The following KLHL1 variants were observed in gnomAD, a reference collection of about 807,000 sequenced individuals.
The protein encoded by KLHL1 is kelch-like protein 1.
In KLHL1, 47 loss-of-function variants were observed where a neutral mutation model predicts 77.7. The observed-to-expected ratio is 0.60, with a 90% confidence interval of 0.48 to 0.77. The LOEUF (loss-of-function observed/expected upper bound fraction) is 0.77, where lower values mean the gene tolerates loss of function less well. Ranked by LOEUF, KLHL1 falls within the 30% of genes least tolerant of loss-of-function variation. The pLI is 0.00. For synonymous variants in KLHL1, 360 were observed against 325.2 expected (o/e 1.11, Z -1.15); for missense variants, 925 against 910.8 (o/e 1.02, Z -0.20).
chr13:69,845,621 T>C lies in KLHL1; in HGVS notation c.1228-6459A>G, dbSNP rs185772571. ...TATTGTTTCTATATACCTGACAAAA[T>C]TTCAAGTACATTTTATAAACACACA... On this transcript the variant is annotated intron_variant, in intron 5 of 10. Coordinates refer to ENST00000377844, the MANE Select transcript of KLHL1 (RefSeq NM_020866.3). Among the ~76,000 whole-genome samples, 543 of 151,702 alleles carry C rather than the reference T, an allele frequency of 3.6e-3. 2 individuals carry two copies. The highest frequency in any genetic ancestry group is 0.012 in the African/African-American group (517 of 41,508).
chr13:69,746,757 G>T (rs775118234), intron 7 of KLHL1, among the ~76,000 whole-genome samples: 1 of 151,848 alleles, frequency 6.6e-6, no homozygotes, highest in African/African-American at 2.4e-5. Context: ...ATCACATAAG[G>T]CTCACACAAA....
chr13:69,891,888 AT>A (rs1881434625), intron 4 of KLHL1, among the ~76,000 whole-genome samples: 3 of 151,948 alleles, frequency 2.0e-5, no homozygotes, highest in Non-Finnish European at 2.9e-5. Flanking sequence ...TATAGAAATA[AT>A]TTATAAATTT....
chr13:69,960,454 C>A (rs1355981398), intron 3 of KLHL1, among the ~76,000 whole-genome samples: 1 of 151,902 alleles, frequency 6.6e-6, no homozygotes, highest in East Asian at 1.9e-4. Context: ...ATACTGTCTG[C>A]CTTGGTTTCT....
intron 4 of KLHL1, among the ~76,000 whole-genome samples, chr13:69,890,619 A>G (rs1238302787): frequency 6.6e-6 from 1 of 151,380 alleles, no homozygotes; most frequent in Non-Finnish European, 1.5e-5. Flanking sequence ...ATCCTTGCAT[A>G]TTAATATTTT....
At chr13:69,875,811 G>A (rs561624526) in intron 5 of KLHL1, among the ~76,000 whole-genome samples, 1 of 152,008 alleles carries the variant, frequency 6.6e-6, no homozygotes, top group South Asian at 2.1e-4. Context: ...TGTTTTAAAG[G>A]CATTGTTTTT....
intron 7 of KLHL1, among the ~76,000 whole-genome samples, chr13:69,780,701 T>TAC (rs1876108316): frequency 7.3e-5 from 1 of 13,762 alleles, no homozygotes; most frequent in Non-Finnish European, 1.2e-4. Flanking sequence ...TATATATATA[T>TAC]GTATATATAT....
chr13:69,768,248 T>C (rs1481947081), intron 7 of KLHL1, among the ~76,000 whole-genome samples: 1 of 152,184 alleles, frequency 6.6e-6, no homozygotes, highest in Non-Finnish European at 1.5e-5. Context: ...TTCTAGATTG[T>C]ATTAAAAGAA....
chr13:69,878,942 TC>T (rs1409910522), intron 5 of KLHL1, among the ~76,000 whole-genome samples: 1 of 152,122 alleles, frequency 6.6e-6, no homozygotes, highest in Non-Finnish European at 1.5e-5. Flanking sequence ...TGAGTTCATG[TC>T]CTTTGTAGGG....
At chr13:69,858,336 C>T (rs556955920) in intron 5 of KLHL1, among the ~76,000 whole-genome samples, 1 of 152,206 alleles carries the variant, frequency 6.6e-6, no homozygotes, top group South Asian at 2.1e-4. Flanking sequence ...TTTGAACTTC[C>T]AGTTTAATGA....
Position 69,806,543 on chromosome 13 carries a change from C to T in KLHL1, c.1415-9581G>A, listed in dbSNP as rs577451638. 9.2e-5 allele frequency among the ~76,000 whole-genome samples: 14 copies of T among 152,206 alleles called. No homozygotes were observed. The East Asian group carries it at 2.7e-3, about 30-fold the overall frequency. On this transcript the variant is annotated intron_variant, in intron 6 of 10. Transcript: ENST00000377844. ...TAAAGATAGTGTTCCAGGCAGCTTACCCAGCTGGGAACAGACTGACAGCTG... is the reference window on the plus strand; with the variant it reads ...TAAAGATAGTGTTCCAGGCAGCTTATCCAGCTGGGAACAGACTGACAGCTG...
At chr13:69,734,003 A>G (rs964839561) in intron 8 of KLHL1, among the ~76,000 whole-genome samples, 2 of 152,130 alleles carry the variant, frequency 1.3e-5, no homozygotes, top group African/African-American at 4.8e-5. Context: ...TTGTAGTATA[A>G]TAATTGACAG....
At chr13:70,061,831 T>C (rs1214708660) in intron 1 of KLHL1, among the ~76,000 whole-genome samples, 1 of 152,220 alleles carries the variant, frequency 6.6e-6, no homozygotes, top group Non-Finnish European at 1.5e-5. Context: ...ATAATCATTG[T>C]ACATATTTAT....
At position 70,024,039 on chromosome 13, in the gene KLHL1, C is replaced by CA. The variant is rs201655110; in HGVS notation, c.498-48238dup. 5.0e-3 allele frequency among the ~76,000 whole-genome samples: 762 copies of CA among 150,924 alleles called. 6 individuals are homozygous for CA. The highest frequency in any genetic ancestry group is 0.027 in the East Asian group (139 of 5,148). ...TGTTTATCATGAGTTTAATTAGTTG[C>CA]AAAAAAAATGTATTAGGGTGTTTTA... On this transcript the variant is annotated intron_variant, in intron 1 of 10. Transcript: ENST00000377844.
At chr13:69,736,514 A>G (rs1377512921) in intron 8 of KLHL1, among the ~76,000 whole-genome samples, 3 of 152,168 alleles carry the variant, frequency 2.0e-5, no homozygotes, top group Non-Finnish European at 4.4e-5. Flanking sequence ...TAGGATTACC[A>G]TTTGATCCAG....
At chr13:69,736,382 T>A (rs991409360) in intron 8 of KLHL1, among the ~76,000 whole-genome samples, 2 of 151,704 alleles carry the variant, frequency 1.3e-5, no homozygotes, top group African/African-American at 2.4e-5. Flanking sequence ...TCCAAAGATT[T>A]AAAAAAAACA....
At chr13:69,892,155 G>A (rs1466249958) in intron 4 of KLHL1, among the ~76,000 whole-genome samples, 1 of 152,002 alleles carries the variant, frequency 6.6e-6, no homozygotes, top group East Asian at 1.9e-4. Context: ...TATTCTTTAG[G>A]TGTCTAGCAG....
chr13:70,005,130 C>T (rs1412125844), intron 1 of KLHL1, among the ~76,000 whole-genome samples: 2 of 151,542 alleles, frequency 1.3e-5, no homozygotes, highest in Non-Finnish European at 2.9e-5. Context: ...TATACATATA[C>T]ACTCATAAAT....
chr13:69,787,172 A>G (rs1566253344), intron 7 of KLHL1, among the ~76,000 whole-genome samples: 1 of 152,298 alleles, frequency 6.6e-6, no homozygotes, highest in Middle Eastern at 3.4e-3. Context: ...TAAAGTTCAT[A>G]TGGAACCAAA....
At chr13:69,962,816 C>G (rs888467015) in intron 2 of KLHL1, among the ~76,000 whole-genome samples, 26 of 152,000 alleles carry the variant, frequency 1.7e-4, no homozygotes, top group African/African-American at 6.3e-4. Context: ...AGCTACAACT[C>G]TTTAATTTTG....
Sources: allele counts gnomAD v4.1 joint callset (sites outside exome capture counted in the v4.1 genomes callset), GRCh38; gene constraint gnomAD v4.1.1; transcripts MANE v1.5; gene names NCBI Gene and HGNC (gene_info 2026-07-23, HGNC 2026-07-21).